The following ABCB1 variants were observed in gnomAD, a reference collection of about 807,000 sequenced individuals.
ABCB1 encodes the protein ATP-dependent translocase ABCB1.
A neutral mutation model predicts 142.0 loss-of-function variants in ABCB1; 69 were observed. The observed-to-expected ratio is 0.49, with a 90% CI of 0.40 to 0.59. ABCB1 has a LOEUF of 0.59. Ranked by LOEUF, ABCB1 falls within the 20% of genes least tolerant of loss-of-function variation. ABCB1 has a pLI of 0.00. For missense variants in ABCB1, 1,326 were observed against 1,554.7 expected (o/e 0.85, Z 2.47); for synonymous variants, 532 against 539.2 (o/e 0.99, Z 0.18).
intron 1 of ABCB1, among the ~76,000 whole-genome samples, chr7:87,636,963 A>G (rs1821835208): frequency 6.6e-6 from 1 of 152,214 alleles, no homozygotes; most frequent in African/African-American, 2.4e-5. Context: ...TTCACAAAGT[A>G]GCAGGAGAGA....
intron 1 of ABCB1, among the ~76,000 whole-genome samples, chr7:87,646,489 T>TATC (rs1215663673): frequency 3.3e-5 from 5 of 152,200 alleles, no homozygotes; most frequent in Non-Finnish European, 7.4e-5. Context: ...GATGCATTAC[T>TATC]ATCTTAAATG....
rs564893726 is a variant in ABCB1, at chr7:87,569,064, G to A, written c.338+1108C>T. On this transcript the variant is annotated intron_variant, in intron 5 of 27. Coordinates refer to ENST00000622132, the MANE Select transcript of ABCB1 (RefSeq NM_001348946.2). ...GTCTCCATTTTCGGCAGGGCATGGC[G>A]GCTCACACCCGTAATCCCAGCACTT... Among the ~76,000 whole-genome samples the A allele has an allele frequency of 4.1e-4, 63 of 152,112 alleles. 1 individual carries two copies. The highest frequency in any genetic ancestry group is 8.5e-4 in the Admixed American group (13 of 15,278).
Position 87,512,556 on chromosome 7 carries a change from C to T in ABCB1, c.3282+2675G>A, listed in dbSNP as rs56059510. The stretch of plus-strand genomic sequence containing the variant: ...GGTCCACTGATGGTCACGAGAATTT[C>T]CTGACTTCAGGGGGTCCTTAGGGTC... On this transcript the variant is annotated intron_variant, in intron 25 of 27. Coordinates refer to ENST00000622132, the MANE Select transcript of ABCB1 (RefSeq NM_001348946.2). Among the ~76,000 whole-genome samples the T allele has an allele frequency of 3.9e-3, 595 of 152,292 alleles. 2 individuals are homozygous for T. Among genetic ancestry groups the T allele is most frequent in the African/African-American group, 0.013 (560 of 41,558 alleles).
At chr7:87,579,307 G>A (rs1453889850) in intron 4 of ABCB1, among the ~76,000 whole-genome samples, 1 of 151,998 alleles carries the variant, frequency 6.6e-6, no homozygotes, top group Non-Finnish European at 1.5e-5. Context: ...TCCAGATCTT[G>A]AAGGAAAGGC....
chr7:87,607,612 C>A (rs1056961712), intron 1 of ABCB1, among the ~76,000 whole-genome samples: 2 of 151,800 alleles, frequency 1.3e-5, no homozygotes, highest in Non-Finnish European at 2.9e-5. Flanking sequence ...AGCACAGTGG[C>A]GCAATCACAG....
chr7:87,558,679 T>C (rs13239201), intron 8 of ABCB1, among the ~76,000 whole-genome samples: 44,535 of 151,930 alleles, frequency 0.29, 6,721 homozygotes, highest in Admixed American at 0.37. Flanking sequence ...ATTTCATTCA[T>C]TATTTTAAGT....
At chr7:87,618,435 C>T (rs1820098791) in intron 1 of ABCB1, among the ~76,000 whole-genome samples, 1 of 152,098 alleles carries the variant, frequency 6.6e-6, no homozygotes, top group Non-Finnish European at 1.5e-5. Context: ...GGCTGATAGT[C>T]TTGGAGACTA....
At chr7:87,539,526 AG>A (rs1217066904) in intron 18 of ABCB1, among the ~76,000 whole-genome samples, 181 bp from the exon 19 acceptor site, 1 of 152,216 alleles carries the variant, frequency 6.6e-6, no homozygotes, top group Non-Finnish European at 1.5e-5. Flanking sequence ...TAGACAGAAA[AG>A]CCCACTTTAC....
intron 1 of ABCB1, chr7:87,629,114 G>A: frequency 1.8e-6 from 1 of 544,672 alleles, no homozygotes; most frequent in Non-Finnish European, 2.9e-6. Flanking sequence ...AGGGGCCCGG[G>A]TCTGGACACC....
chr7:87,554,227 T>C (rs1817217603), intron 8 of ABCB1, among the ~76,000 whole-genome samples: 1 of 152,146 alleles, frequency 6.6e-6, no homozygotes, highest in Non-Finnish European at 1.5e-5. Flanking sequence ...AAACTTACAT[T>C]GTTTCATACA....
chr7:87,693,322 A>G (rs146166129), intron 1 of ABCB1, among the ~76,000 whole-genome samples: 1 of 152,338 alleles, frequency 6.6e-6, no homozygotes, highest in East Asian at 1.9e-4. Flanking sequence ...TTTATATAAT[A>G]TCTAAGTGCT....
At chr7:87,556,251 C>T (rs907822863) in intron 8 of ABCB1, among the ~76,000 whole-genome samples, 5 of 152,024 alleles carry the variant, frequency 3.3e-5, no homozygotes, top group Admixed American at 2.6e-4. Context: ...ATGCAAGTAA[C>T]TACTTTAAGA....
intron 14 of ABCB1, among the ~76,000 whole-genome samples, chr7:87,547,970 A>G (rs1045330562): frequency 6.6e-6 from 1 of 150,796 alleles, no homozygotes; most frequent in Admixed American, 6.6e-5. Context: ...AGTGGCCATG[A>G]TGGCACAACT....
intron 17 of ABCB1, among the ~76,000 whole-genome samples, chr7:87,542,139 T>C (rs549601648): frequency 2.6e-5 from 4 of 152,242 alleles, no homozygotes; most frequent in Admixed American, 6.5e-5. Flanking sequence ...TGTAAGATAG[T>C]AACATTCCTA....
chr7:87,561,235 T>G (rs749745891), intron 8 of ABCB1, 28 bp downstream of exon 8: 4 of 1,612,664 alleles, frequency 2.5e-6, no homozygotes, highest in Middle Eastern at 1.7e-4. Flanking sequence ...ATTTAACATA[T>G]CTATCCATTT....
intron 19 of ABCB1, among the ~76,000 whole-genome samples, chr7:87,538,917 G>A (rs1443427638): frequency 6.6e-6 from 1 of 152,118 alleles, no homozygotes; most frequent in Non-Finnish European, 1.5e-5. Flanking sequence ...AGAAACACTC[G>A]TGCCCTGGGT....
chr7:87,537,506 T>C (rs1289428202), intron 19 of ABCB1, among the ~76,000 whole-genome samples: 1 of 152,112 alleles, frequency 6.6e-6, no homozygotes, highest in Non-Finnish European at 1.5e-5. Flanking sequence ...GGCTTCAAGG[T>C]TTTTAGCCCA....
At chr7:87,510,047 A>T (rs1001936336) in intron 25 of ABCB1, among the ~76,000 whole-genome samples, 2 of 152,100 alleles carry the variant, frequency 1.3e-5, no homozygotes, top group Admixed American at 1.3e-4. Context: ...AGCCCTCCTG[A>T]CACTTGATAT....
At chr7:87,657,471 T>C (rs1210291555) in intron 1 of ABCB1, among the ~76,000 whole-genome samples, 5 of 152,156 alleles carry the variant, frequency 3.3e-5, no homozygotes, top group African/African-American at 1.2e-4. Flanking sequence ...AATTCCGCCC[T>C]CCTGAGGCTA....
Sources: gnomAD v4.1 joint callset for allele counts (sites outside exome capture counted in the v4.1 genomes callset) on GRCh38, gnomAD v4.1.1 for gene constraint, MANE v1.5 for transcripts, NCBI Gene and HGNC (gene_info 2026-07-23, HGNC 2026-07-21) for gene names.